MARCHF1: variants seen among roughly 807,000 people sequenced by gnomAD.
MARCHF1 encodes membrane associated ring-CH-type finger 1, also known as E3 ubiquitin-protein ligase MARCHF1.
Under a neutral mutation model 54.2 loss-of-function variants are expected in MARCHF1, and 40 were observed. The ratio of observed to expected loss-of-function variants is 0.74; its 90% CI spans 0.57 to 0.96. The LOEUF (loss-of-function observed/expected upper bound fraction) is 0.96. MARCHF1 is among the 40% of genes least tolerant of loss of function. MARCHF1 has a pLI of 0.00. For synonymous variants in MARCHF1, 236 were observed against 236.3 expected (o/e 1.00, Z 0.01); for missense variants, 586 against 656.5 (o/e 0.89, Z 1.17).
intron 7 of MARCHF1, among the ~76,000 whole-genome samples, chr4:163,610,100 T>C (rs1741283940): frequency 6.6e-6 from 1 of 151,994 alleles, no homozygotes; most frequent in Non-Finnish European, 1.5e-5. Flanking sequence ...CCAGTACCTC[T>C]TCTTCTTTAG....
At chr4:163,725,367 A>G (rs772220661) in intron 4 of MARCHF1, among the ~76,000 whole-genome samples, 2 of 151,986 alleles carry the variant, frequency 1.3e-5, no homozygotes, top group Non-Finnish European at 2.9e-5. Flanking sequence ...AATCCCAGCT[A>G]CTCAGGAGGC....
intron 9 of MARCHF1, among the ~76,000 whole-genome samples, chr4:163,535,617 A>T (rs1207567198): frequency 2.0e-5 from 3 of 152,166 alleles, no homozygotes; most frequent in Non-Finnish European, 4.4e-5. Flanking sequence ...GGCAGCACAC[A>T]TTTATACATG....
chr4:164,368,754 CA>C (rs1385833724), intron 1 of MARCHF1, among the ~76,000 whole-genome samples: 1 of 152,094 alleles, frequency 6.6e-6, no homozygotes, highest in Non-Finnish European at 1.5e-5. Context: ...AACATCCATT[CA>C]CAAGAAAATA....
chr4:164,371,964 A>C (rs1731048564), intron 1 of MARCHF1, among the ~76,000 whole-genome samples: 1 of 152,202 alleles, frequency 6.6e-6, no homozygotes, highest in Non-Finnish European at 1.5e-5. Flanking sequence ...TTATATTTTA[A>C]AGCCTCCTCC....
chr4:164,379,362 A>G (rs1731298327), intron 1 of MARCHF1, among the ~76,000 whole-genome samples: 2 of 152,180 alleles, frequency 1.3e-5, no homozygotes, highest in Non-Finnish European at 2.9e-5. Context: ...AAACAAGTAC[A>G]GGGAGCATGT....
At chr4:164,184,569 C>A (rs77930613) in intron 1 of MARCHF1, among the ~76,000 whole-genome samples, 1,608 of 152,246 alleles carry the variant, frequency 0.011, 24 homozygotes, top group African/African-American at 0.036. Context: ...AAGAAGTCTG[C>A]CTAACCTATT....
intron 1 of MARCHF1, among the ~76,000 whole-genome samples, chr4:164,213,974 G>T (rs897117035): frequency 1.3e-5 from 2 of 151,992 alleles, no homozygotes; most frequent in Non-Finnish European, 2.9e-5. Flanking sequence ...TGAGGTGATA[G>T]TTACACCATT....
intron 1 of MARCHF1, among the ~76,000 whole-genome samples, chr4:164,351,241 C>T (rs35284389): frequency 6.9e-6 from 1 of 145,104 alleles, no homozygotes; most frequent in Non-Finnish European, 1.5e-5. Context: ...CTGGAAGCTC[C>T]AACTGGGTGG....
intron 9 of MARCHF1, 147 bp downstream of exon 9, chr4:163,545,449 C>G (rs757565191): frequency 2.7e-5 from 18 of 654,608 alleles, no homozygotes; most frequent in Non-Finnish European, 4.2e-5. Flanking sequence ...TAATCAATAA[C>G]ATGATTAGGG....
intron 1 of MARCHF1, among the ~76,000 whole-genome samples, chr4:164,249,095 T>A (rs1207071907): frequency 2.0e-5 from 3 of 152,142 alleles, no homozygotes; most frequent in Non-Finnish European, 4.4e-5. Flanking sequence ...AGTTATAAAG[T>A]TCTAAATGAA....
At chr4:164,251,642 T>C (rs966717843) in intron 1 of MARCHF1, among the ~76,000 whole-genome samples, 2 of 152,182 alleles carry the variant, frequency 1.3e-5, no homozygotes, top group Non-Finnish European at 2.9e-5. Context: ...ATAAAACTTT[T>C]TATTGCTGCC....
At chr4:163,658,056 G>T (rs1427467236) in intron 5 of MARCHF1, among the ~76,000 whole-genome samples, 2 of 151,878 alleles carry the variant, frequency 1.3e-5, no homozygotes, top group African/African-American at 4.8e-5. Flanking sequence ...AGCTAAAATT[G>T]ATCTAATTAA....
At position 163,778,965 on chromosome 4, in the gene MARCHF1, C is replaced by T. The variant is rs568071976; in HGVS notation, c.111+75056G>A. ...TGCAAGCAACGAAATTATGCTTGTA[C>T]CCCATACACTTATACAAATAAAAAC... On this transcript the variant is annotated intron_variant, in intron 4 of 9. Coordinates refer to ENST00000514618, the MANE Select transcript of MARCHF1 (RefSeq NM_001394959.1). Among the ~76,000 whole-genome samples, 5 of 152,240 alleles carry T rather than the reference C, an allele frequency of 3.3e-5. No individual in the cohort carries two copies. The East Asian group carries it at 9.6e-4, about 29-fold the overall frequency.
chr4:163,748,437 C>T (rs1028050891), intron 4 of MARCHF1, among the ~76,000 whole-genome samples: 4 of 151,272 alleles, frequency 2.6e-5, no homozygotes, highest in Admixed American at 2.6e-4. Flanking sequence ...CCCACAAGCT[C>T]GCTGGCATAA....
intron 1 of MARCHF1, among the ~76,000 whole-genome samples, chr4:164,213,064 ATATATAT>A (rs375569150): frequency 7.2e-5 from 11 of 152,082 alleles, no homozygotes; most frequent in African/African-American, 2.2e-4. Flanking sequence ...ATATTACTGC[ATATATAT>A]TATATATGTG....
At chr4:163,839,444 G>C (rs141803165) in intron 4 of MARCHF1, among the ~76,000 whole-genome samples, 165 of 152,034 alleles carry the variant, frequency 1.1e-3, no homozygotes, top group African/African-American at 3.8e-3. Context: ...ATTCAGAATC[G>C]CCAAGAAGTG....
intron 1 of MARCHF1, among the ~76,000 whole-genome samples, chr4:164,142,526 G>T (rs1453688992): frequency 1.3e-5 from 2 of 152,166 alleles, no homozygotes; most frequent in African/African-American, 4.8e-5. Flanking sequence ...TGACCCCCCA[G>T]CAGCCTAACT....
rs147338183 is a variant in MARCHF1, at chr4:163,826,621, A to T, written c.111+27400T>A. Among the ~76,000 whole-genome samples, 1,214 of 152,222 alleles carry T rather than the reference A, an allele frequency of 8.0e-3. 11 individuals are homozygous for T. Among genetic ancestry groups the T allele is most frequent in the African/African-American group, 0.028 (1,153 of 41,560 alleles). ...GCAAAACCAACATACACTGTACTTC[A>T]TAGTGTTCATAGGGGAAACAGACAA... On this transcript the variant is annotated intron_variant, in intron 4 of 9. Transcript: ENST00000514618.
At chr4:164,158,179 GT>G (rs1730128301) in intron 1 of MARCHF1, among the ~76,000 whole-genome samples, 1 of 152,136 alleles carries the variant, frequency 6.6e-6, no homozygotes. Flanking sequence ...ATAAGTCAAT[GT>G]TTTAATTAGC....
Sources: allele counts gnomAD v4.1 joint callset (sites outside exome capture counted in the v4.1 genomes callset), GRCh38; gene constraint gnomAD v4.1.1; transcripts MANE v1.5; gene names NCBI Gene and HGNC (gene_info 2026-07-23, HGNC 2026-07-21).